Variants in MIOS observed in about 807,000 individuals in gnomAD.
MIOS encodes the protein GATOR2 complex protein MIOS.
Under a neutral mutation model 96.9 loss-of-function variants are expected in MIOS, and 52 were observed. The observed-to-expected ratio is 0.54, with a 90% CI of 0.43 to 0.68. The LOEUF is 0.68. Ranked by LOEUF, MIOS falls within the 30% of genes least tolerant of loss-of-function variation. The pLI, the probability that MIOS is intolerant of heterozygous loss-of-function variation, is 0.00. For missense variants in MIOS, 1,005 were observed against 1,052.8 expected (o/e 0.95, Z 0.63); for synonymous variants, 397 against 359.5 (o/e 1.10, Z -1.18).
intron 11 of MIOS, among the ~76,000 whole-genome samples, chr7:7,603,900 A>T (rs1353932136): frequency 2.0e-5 from 3 of 152,114 alleles, no homozygotes; most frequent in African/African-American, 7.2e-5. Context: ...TGATGAGTTC[A>T]TGTCCTTTGT....
intron 7 of MIOS, among the ~76,000 whole-genome samples, chr7:7,587,323 G>T (rs1041303149): frequency 3.3e-5 from 5 of 151,990 alleles, no homozygotes; most frequent in African/African-American, 7.2e-5. Context: ...CCCTGCCCCA[G>T]TATCCTTGTT....
chr7:7,570,777 G>A (rs755501162), intron 3 of MIOS, among the ~76,000 whole-genome samples: 2 of 152,224 alleles, frequency 1.3e-5, no homozygotes, highest in East Asian at 1.9e-4. Context: ...GACAGGAGGC[G>A]GAGCTCAGGC....
intron 5 of MIOS, among the ~76,000 whole-genome samples, chr7:7,578,409 C>T (rs557365934): frequency 2.0e-5 from 3 of 152,182 alleles, no homozygotes; most frequent in Admixed American, 1.3e-4. Context: ...TCTACAGTTC[C>T]GGCTACTCAG....
At chr7:7,577,982 A>G (rs1783590970) in intron 5 of MIOS, among the ~76,000 whole-genome samples, 2 of 152,200 alleles carry the variant, frequency 1.3e-5, no homozygotes, top group South Asian at 2.1e-4. Flanking sequence ...AAGACAGGAT[A>G]AGACTGATAA....
At position 7,605,940 on chromosome 7, in the gene MIOS, A is replaced by G. The variant is rs1784518336; in HGVS notation, c.2402-2A>G. 1 of 1,612,856 alleles carries G rather than the reference A, an allele frequency of 6.2e-7. No homozygotes were observed. On this transcript the variant is annotated splice_acceptor_variant, in intron 11 of 12. Coordinates refer to ENST00000340080, the MANE Select transcript of MIOS (RefSeq NM_019005.4). LOFTEE classifies it high-confidence loss of function. ...AATGAAGATCATTTTATTTTGTCAT[A>G]GGAGGAACCAAATCAGATGAAAAAG... is the stretch of plus-strand genomic sequence containing the variant.
At position 7,608,005 on chromosome 7, in the gene MIOS, T is replaced by C. The variant is rs1042395598; in HGVS notation, c.*913T>C. 10 of 152,176 alleles carry C rather than the reference T, an allele frequency of 6.6e-5. No individual in the cohort carries two copies. The highest frequency in any genetic ancestry group is 2.2e-4 in the African/African-American group (9 of 41,460). The allele number at this position is 152,176 out of a possible 1,614,324, so 9.4% of individuals were successfully genotyped here. ...TTAGTATAATCTATGTCAGTGTTTC[T>C]GTGCTGTCAAATTCCGTCCTGATTT... On this transcript the variant is annotated 3_prime_UTR_variant, in exon 13 of 13. Coordinates refer to ENST00000340080, the MANE Select transcript of MIOS (RefSeq NM_019005.4).
Position 7,605,997 on chromosome 7 carries a change from A to G in MIOS, c.2457A>G (p.Gln819=), listed in dbSNP as rs371871387. 2.0e-5 allele frequency: 33 copies of G among 1,613,868 alleles called. No homozygotes were observed. The highest frequency in any genetic ancestry group is 9.9e-5 in the South Asian group (9 of 91,086). Residue 819 remains glutamine (Q), a synonymous_variant, in exon 12 of 13, where the codon CAA becomes CAG. Coordinates refer to ENST00000340080, the MANE Select transcript of MIOS (RefSeq NM_019005.4). The part of the protein sequence containing the change: ...VDLSKDKKLA[Q]FNNWFTWCHN... ...TGAGCAAGGACAAAAAATTAGCCCAATTTAACAACTGGTTTACATGGTGTC... is the reference window on the plus strand; with the variant it reads ...TGAGCAAGGACAAAAAATTAGCCCAGTTTAACAACTGGTTTACATGGTGTC...
At chr7:7,588,314 A>G (rs1481724172) in intron 7 of MIOS, among the ~76,000 whole-genome samples, 184 bp from the exon 8 acceptor site, 1 of 152,146 alleles carries the variant, frequency 6.6e-6, no homozygotes, top group Non-Finnish European at 1.5e-5. Flanking sequence ...TTATTGCTGA[A>G]TTTCCTAAGA....
chr7:7,574,192 G>C lies in MIOS; in HGVS notation c.1389G>C (p.Ser463=). The C allele has an allele frequency of 6.3e-7, 1 of 1,595,838 alleles. No individual in the cohort carries two copies. The highest frequency in any genetic ancestry group is 1.1e-5 in the South Asian group (1 of 88,322). The change falls in exon 5 of 13, where the codon TCG becomes TCC. Residue 463 remains serine, a synonymous_variant. Transcript: ENST00000340080. ...YAGIKSIVKS[S]LGMVESSRHN... Reference sequence around the variant, plus strand: ...GAATTAAATCAATTGTAAAGTCATCGTTGGGTAAGAAAATTCTATTTCATT... The same window carrying C: ...GAATTAAATCAATTGTAAAGTCATCCTTGGGTAAGAAAATTCTATTTCATT...
At chr7:7,594,844 T>C (rs995861710) in intron 9 of MIOS, 136 bp from the exon 10 acceptor site, 3 of 531,284 alleles carry the variant, frequency 5.6e-6, no homozygotes, top group Non-Finnish European at 8.9e-6. Flanking sequence ...TTTATTCTCA[T>C]TAGGAGCCAG....
intron 11 of MIOS, among the ~76,000 whole-genome samples, chr7:7,604,937 T>G (rs1784484221): frequency 6.6e-6 from 1 of 152,174 alleles, no homozygotes; most frequent in Admixed American, 6.6e-5. Context: ...GCCCTCTCAT[T>G]ATTAATTGTT....
chr7:7,604,896 A>G (rs369932194), intron 11 of MIOS, among the ~76,000 whole-genome samples: 3 of 145,386 alleles, frequency 2.1e-5, no homozygotes, highest in African/African-American at 8.6e-5. Flanking sequence ...TCAGATCTAT[A>G]TTTTATTTAT....
At chr7:7,587,005 T>TG (rs1554300631) in intron 7 of MIOS, among the ~76,000 whole-genome samples, 25 of 146,666 alleles carry the variant, frequency 1.7e-4, no homozygotes, top group African/African-American at 6.6e-4. Flanking sequence ...TTTTTTTTTT[T>TG]TTTGTTGTTG....
Position 7,605,982 on chromosome 7 carries a change from C to G in MIOS, c.2442C>G (p.Asp814Glu). 1 of 1,613,800 alleles carries G rather than the reference C, an allele frequency of 6.2e-7. No individual in the cohort carries two copies. The highest frequency in any genetic ancestry group is 1.1e-5 in the South Asian group (1 of 91,082). Residue 814 changes from aspartate to glutamate, a missense_variant, in exon 12 of 13, where the codon GAC becomes GAG. Physicochemically the swap from Asp to Glu is conservative, Grantham distance 45 (BLOSUM62 2). This residue lies in a region of MIOS where 865 missense variants were observed against 887.9 expected (regional missense o/e 0.97). Coordinates refer to ENST00000340080, the MANE Select transcript of MIOS (RefSeq NM_019005.4). The part of the protein sequence containing the change: ...KSDEKVDLSK[D>E]KKLAQFNNWF... ...ATGAAAAAGTGGACTTGAGCAAGGACAAAAAATTAGCCCAATTTAACAACT... is the reference window on the plus strand; with the variant it reads ...ATGAAAAAGTGGACTTGAGCAAGGAGAAAAAATTAGCCCAATTTAACAACT...
chr7:7,597,500 AT>A (rs1563040974), intron 11 of MIOS, among the ~76,000 whole-genome samples: 1,529 of 71,682 alleles, frequency 0.021, 267 homozygotes, highest in Non-Finnish European at 0.026. Flanking sequence ...ATATATATAT[AT>A]ATATATATAT....
rs1420712402 is a variant in MIOS at position 7,607,851 on chromosome 7, CT to C, written c.*763del. Reference sequence around the variant, plus strand: ...AACATACAAAATTTTCACTTTCTACCTTTTGCCTTCCAATGTCCTGATTTGT... The same window carrying C: ...AACATACAAAATTTTCACTTTCTACCTTTGCCTTCCAATGTCCTGATTTGT... On this transcript the variant is annotated 3_prime_UTR_variant, in exon 13 of 13. Transcript: ENST00000340080. 6.6e-6 allele frequency: 1 copy of C among 152,048 alleles called. No individual in the cohort carries two copies. The highest frequency in any genetic ancestry group is 2.4e-5 in the African/African-American group (1 of 41,414). The allele number at this position is 152,048 out of a possible 1,614,324, so 9.4% of individuals were successfully genotyped here.
intron 6 of MIOS, 102 bp downstream of exon 6, chr7:7,583,474 C>A: frequency 8.0e-7 from 1 of 1,254,290 alleles, no homozygotes. Context: ...TATCTAATCA[C>A]TTAAAATTTT....
At position 7,573,823 on chromosome 7, in the gene MIOS, A is replaced by AGTTT; in HGVS notation, c.1294+56_1294+59dup. ...GTGAATCAGGTAGAAATGTTCTTGAAGTTTGCCAAAAGGTCAGTCTGTAAA... is the reference window on the plus strand; with the variant it reads ...GTGAATCAGGTAGAAATGTTCTTGAAGTTTGTTTGCCAAAAGGTCAGTCTGTAAA... On this transcript the variant is annotated intron_variant, in intron 4 of 12. Coordinates refer to ENST00000340080, the MANE Select transcript of MIOS (RefSeq NM_019005.4). This position sits in a 1 kb window ranked among gnomAD's most constrained non-coding sequence, Gnocchi z 5.0. 6.7e-7 allele frequency: 1 copy of AGTTT among 1,487,770 alleles called. No individual in the cohort carries two copies. Among genetic ancestry groups the AGTTT allele is most frequent in the Non-Finnish European group, 9.0e-7 (1 of 1,108,464 alleles). 92.2% of individuals were successfully genotyped at this position (1,487,770 alleles called of 1,614,324 possible).
intron 11 of MIOS, among the ~76,000 whole-genome samples, chr7:7,600,528 A>G (rs1784345152): frequency 6.6e-6 from 1 of 152,204 alleles, no homozygotes; most frequent in Non-Finnish European, 1.5e-5. Context: ...TATCCTAAAT[A>G]TATATGCACC....
Sources: gnomAD v4.1 joint callset for allele counts (sites outside exome capture counted in the v4.1 genomes callset) on GRCh38, gnomAD v4.1.1 for gene constraint, gnomAD v4.1.1 regional missense constraint, Gnocchi (gnomAD v3.1) non-coding constraint, MANE v1.5 for transcripts, NCBI Gene and HGNC (gene_info 2026-07-23, HGNC 2026-07-21) for gene names.